SLCO3A1: variants seen among roughly 807,000 people sequenced by gnomAD.
The protein encoded by SLCO3A1 is PGE1 transporter.
Under a neutral mutation model 63.1 loss-of-function variants are expected in SLCO3A1, and 27 were observed. The ratio of observed to expected loss-of-function variants is 0.43; its 90% CI spans 0.32 to 0.59. The LOEUF (loss-of-function observed/expected upper bound fraction) is 0.59, where lower values mean the gene tolerates loss of function less well. Ranked by LOEUF, SLCO3A1 falls within the 20% of genes least tolerant of loss-of-function variation. The pLI, the probability that SLCO3A1 is intolerant of heterozygous loss-of-function variation, is 0.09. For synonymous variants in SLCO3A1, 473 were observed against 409.9 expected (o/e 1.15, Z -1.86); for missense variants, 773 against 945.8 (o/e 0.82, Z 2.40).
chr15:92,100,893 G>A lies in SLCO3A1; in HGVS notation c.746-3386G>A, dbSNP rs76562481. ...AGATACCATCTTAGGAGGAAAGAGG[G>A]GGTGGAGTCATGTACCAGCTCATAC... On this transcript the variant is annotated intron_variant, in intron 3 of 9. Transcript: ENST00000318445. Among the ~76,000 whole-genome samples, 1,471 of 152,276 alleles carry A rather than the reference G, an allele frequency of 9.7e-3. 21 individuals are homozygous for A. The highest frequency in any genetic ancestry group is 0.034 in the African/African-American group (1,411 of 41,544).
At chr15:91,925,013 G>A (rs985874360) in intron 2 of SLCO3A1, among the ~76,000 whole-genome samples, 5 of 152,182 alleles carry the variant, frequency 3.3e-5, no homozygotes, top group Admixed American at 6.5e-5. Flanking sequence ...CCATGTGAGG[G>A]AATTTTCCTT....
chr15:92,076,435 T>C (rs750262672), intron 2 of SLCO3A1, among the ~76,000 whole-genome samples: 15 of 152,228 alleles, frequency 9.9e-5, no homozygotes, highest in Non-Finnish European at 2.1e-4. Flanking sequence ...GTTTTGATGT[T>C]AGGATTTCTG....
At chr15:92,147,640 A>G (rs734387) in intron 8 of SLCO3A1, among the ~76,000 whole-genome samples, 6,211 of 152,214 alleles carry the variant, frequency 0.041, 443 homozygotes, top group African/African-American at 0.14. Flanking sequence ...GTGCAAACAC[A>G]TAGAGACTTG....
At chr15:91,901,198 T>G (rs1019485165) in intron 1 of SLCO3A1, among the ~76,000 whole-genome samples, 2 of 152,202 alleles carry the variant, frequency 1.3e-5, no homozygotes, top group South Asian at 4.1e-4. Flanking sequence ...TCTTAAGTTA[T>G]CACAGTGTAC....
At chr15:92,048,864 C>G (rs1196781867) in intron 2 of SLCO3A1, among the ~76,000 whole-genome samples, 1 of 152,222 alleles carries the variant, frequency 6.6e-6, no homozygotes, top group Non-Finnish European at 1.5e-5. Flanking sequence ...CGCCATTGCA[C>G]CACTGCTTTA....
chr15:92,148,156 TGAGGTCATACCACC>T (rs2048254743), intron 8 of SLCO3A1, among the ~76,000 whole-genome samples: 1 of 152,310 alleles, frequency 6.6e-6, no homozygotes, highest in African/African-American at 2.4e-5. Context: ...TGCAGTGAGC[TGAGGTCATACCACC>T]GCACTCCAGC....
intron 2 of SLCO3A1, among the ~76,000 whole-genome samples, chr15:92,071,933 C>T (rs2047220314): frequency 6.6e-6 from 1 of 152,190 alleles, no homozygotes; most frequent in Non-Finnish European, 1.5e-5. Flanking sequence ...GCACTAGAAC[C>T]TAAGGAGGCC....
chr15:92,106,412 T>C (rs1423065199), intron 4 of SLCO3A1, among the ~76,000 whole-genome samples: 3 of 152,036 alleles, frequency 2.0e-5, no homozygotes, highest in Non-Finnish European at 4.4e-5. Flanking sequence ...GCGACTCCCC[T>C]AGTAGCAGGA....
At chr15:92,040,457 A>G (rs1011277846) in intron 2 of SLCO3A1, among the ~76,000 whole-genome samples, 1 of 152,194 alleles carries the variant, frequency 6.6e-6, no homozygotes, top group Non-Finnish European at 1.5e-5. Flanking sequence ...TGCTGTGCCC[A>G]GAGATATCCC....
chr15:92,168,392 T>G (rs1335621797), downstream of SLCO3A1, among the ~76,000 whole-genome samples: 1 of 152,182 alleles, frequency 6.6e-6, no homozygotes, highest in Non-Finnish European at 1.5e-5. Flanking sequence ...ATTTTAGACT[T>G]TGTGGGCCTG....
Position 91,957,044 on chromosome 15 carries a change from T to TTA in SLCO3A1, c.646+40586_646+40587insTA, listed in dbSNP as rs1900231845. On this transcript the variant is annotated intron_variant, in intron 2 of 9. Coordinates refer to ENST00000318445, the MANE Select transcript of SLCO3A1 (RefSeq NM_013272.4). ...TATATATAATATATAATATATAGTA[T>TTA]ATATATAATATATACTATATATTAT... 3.7e-4 allele frequency among the ~76,000 whole-genome samples: 6 copies of TTA among 16,036 alleles called. 2 individuals carry two copies. The highest frequency in any genetic ancestry group is 2.6e-3 in the African/African-American group (6 of 2,280). 10.5% of individuals were successfully genotyped at this position (16,036 alleles called of 152,430 possible).
chr15:92,126,821 T>G (rs1288666978), intron 6 of SLCO3A1, among the ~76,000 whole-genome samples: 1 of 152,202 alleles, frequency 6.6e-6, no homozygotes, highest in East Asian at 1.9e-4. Flanking sequence ...GAATTGCCCT[T>G]AGAGGGAATT....
chr15:92,146,526 G>T (rs954515693), intron 7 of SLCO3A1, among the ~76,000 whole-genome samples: 1 of 152,122 alleles, frequency 6.6e-6, no homozygotes, highest in Non-Finnish European at 1.5e-5. Flanking sequence ...TCCAAGTGCC[G>T]TGTTGGGCAC....
chr15:92,064,522 A>G (rs1268310722), intron 2 of SLCO3A1, among the ~76,000 whole-genome samples: 1 of 152,218 alleles, frequency 6.6e-6, no homozygotes, highest in Admixed American at 6.5e-5. Context: ...TGCCCAGACC[A>G]GTGTCCTAAA....
Position 92,126,246 on chromosome 15 carries a change from C to T in SLCO3A1, c.1360C>T (p.Pro454Ser). 6.2e-7 allele frequency: 1 copy of T among 1,613,836 alleles called. No individual in the cohort carries two copies. The highest frequency in any genetic ancestry group is 8.5e-7 in the Non-Finnish European group (1 of 1,179,856). ...DTGPVAGVTV[P>S]YGNSTAPGSA... ...TGGCCCTGTGGCTGGGGTTACTGTT[C>T]CCTATGGAAACAGGTGAGTACTGGC... The change falls in exon 6 of 10, where the codon CCC becomes TCC. Residue 454 changes from proline to serine, a missense_variant. Transcript: ENST00000318445.
intron 1 of SLCO3A1, among the ~76,000 whole-genome samples, chr15:91,888,569 T>A (rs1236455202): frequency 6.6e-6 from 1 of 151,468 alleles, no homozygotes; most frequent in Non-Finnish European, 1.5e-5. Flanking sequence ...TTTTTTTTCC[T>A]ACAAAGTGGC....
Position 91,916,439 on chromosome 15 carries a change from G to A in SLCO3A1, c.627G>A (p.Lys209=), listed in dbSNP as rs1328392103. Residue 209 remains lysine (K), a synonymous_variant, in exon 2 of 10, where the codon AAG becomes AAA. Transcript: ENST00000318445. This position sits in a 1 kb window ranked among gnomAD's most constrained non-coding sequence, Gnocchi z 6.2. The part of the protein sequence containing the change: ...VSYIDDHVRR[K]DSSLYIGILF... ...ACATCGACGACCACGTGCGGAGGAAGGACTCCTCGCTCTATATAGGTAGGA... is the reference window on the plus strand; with the variant it reads ...ACATCGACGACCACGTGCGGAGGAAAGACTCCTCGCTCTATATAGGTAGGA... The A allele has an allele frequency of 1.9e-6, 3 of 1,610,300 alleles. No individual in the cohort carries two copies. Among genetic ancestry groups the A allele is most frequent in the Non-Finnish European group, 1.7e-6 (2 of 1,178,608 alleles).
intron 2 of SLCO3A1, among the ~76,000 whole-genome samples, chr15:92,039,570 A>T (rs770092322): frequency 2.0e-4 from 30 of 152,112 alleles, no homozygotes; most frequent in Non-Finnish European, 3.5e-4. Flanking sequence ...CCAGAAACAG[A>T]TGCTGGTGAG....
At chr15:91,935,336 C>T (rs563052580) in intron 2 of SLCO3A1, among the ~76,000 whole-genome samples, 2 of 152,300 alleles carry the variant, frequency 1.3e-5, no homozygotes, top group Non-Finnish European at 2.9e-5. Flanking sequence ...AATGGCAACA[C>T]AAGGGACTTT....
Sources: allele counts gnomAD v4.1 joint callset (sites outside exome capture counted in the v4.1 genomes callset), GRCh38; gene constraint gnomAD v4.1.1; non-coding constraint Gnocchi (gnomAD v3.1); transcripts MANE v1.5; gene names NCBI Gene and HGNC (gene_info 2026-07-23, HGNC 2026-07-21).